The following RFT1 variants were observed in gnomAD, a reference collection of about 807,000 sequenced individuals.
RFT1 encodes the protein man(5)GlcNAc(2)-PP-dolichol translocation protein RFT1.
A neutral mutation model predicts 62.2 loss-of-function variants in RFT1; 43 were observed. That is an observed-to-expected ratio of 0.69 (90% CI 0.54 to 0.89). The LOEUF (loss-of-function observed/expected upper bound fraction) is 0.89, where lower values mean the gene tolerates loss of function less well. Ranked by LOEUF, RFT1 falls within the 40% of genes least tolerant of loss-of-function variation. RFT1 has a pLI of 0.00. For missense variants in RFT1, 605 were observed against 649.9 expected (o/e 0.93, Z 0.75); for synonymous variants, 262 against 264.6 (o/e 0.99, Z 0.10).
chr3:53,119,811 T>C, intron 6 of RFT1, 73 bp downstream of exon 6: 2 of 1,311,534 alleles, frequency 1.5e-6, no homozygotes, highest in Non-Finnish European at 2.1e-6. Flanking sequence ...AATAAACCAG[T>C]TGCAGTTTCT....
the RFT1 span, chr3:53,078,109 G>A: frequency 6.6e-6 from 1 of 152,360 alleles, no homozygotes; most frequent in Non-Finnish European, 1.5e-5. Flanking sequence ...TCACTCTCAG[G>A]GTTCATCAGC....
rs1700916251 is a variant in RFT1, at chr3:53,088,893, T to G, written c.*3010A>C. 1 of 151,316 alleles carries G rather than the reference T, an allele frequency of 6.6e-6. No homozygotes were observed. The highest frequency in any genetic ancestry group is 2.4e-5 in the African/African-American group (1 of 41,056). The allele number at this position is 151,316 out of a possible 1,614,324, so 9.4% of individuals were successfully genotyped here. ...GGCTCACGCCTGTAATCCCAGCACT[T>G]TGGGAGGCTGAGGCGGGCGGATCAC... On this transcript the variant is annotated 3_prime_UTR_variant, in exon 13 of 13. Transcript: ENST00000296292.
At chr3:53,116,308 T>G (rs1701791561) in intron 6 of RFT1, among the ~76,000 whole-genome samples, 1 of 151,084 alleles carries the variant, frequency 6.6e-6, no homozygotes, top group African/African-American at 2.4e-5. Context: ...TTTTTTTTTT[T>G]TTTGAGACAG....
At chr3:53,092,310 C>T (rs746824331) in intron 12 of RFT1, 59 bp downstream of exon 12, 301 of 1,567,838 alleles carry the variant, frequency 1.9e-4, no homozygotes, top group East Asian at 2.6e-4. Flanking sequence ...GGAGGCCTAG[C>T]GGGAGAGACA....
chr3:53,083,507 A>G (rs1325444420), downstream of RFT1, among the ~76,000 whole-genome samples: 1 of 150,604 alleles, frequency 6.6e-6, no homozygotes, highest in East Asian at 1.9e-4. Context: ...AAAAAAAAAA[A>G]AAAAAGTAAA....
chr3:53,075,877 G>T, the RFT1 span, among the ~76,000 whole-genome samples: 2 of 152,202 alleles, frequency 1.3e-5, no homozygotes, highest in South Asian at 4.2e-4. Flanking sequence ...GCAGGGTGCT[G>T]GTGGCCCTGG....
chr3:53,121,519 T>C (rs893111797), intron 5 of RFT1, among the ~76,000 whole-genome samples, 180 bp downstream of exon 5: 2 of 152,198 alleles, frequency 1.3e-5, no homozygotes, highest in African/African-American at 4.8e-5. Flanking sequence ...ACGGTCTCAG[T>C]GTATGGAACA....
Position 53,088,968 on chromosome 3 carries a change from C to T in RFT1, c.*2935G>A, listed in dbSNP as rs1700919395. 1 of 151,826 alleles carries T rather than the reference C, an allele frequency of 6.6e-6. No individual in the cohort carries two copies. Among genetic ancestry groups the T allele is most frequent in the East Asian group, 1.9e-4 (1 of 5,180 alleles). 9.4% of individuals were successfully genotyped at this position (151,826 alleles called of 1,614,324 possible). On this transcript the variant is annotated 3_prime_UTR_variant, in exon 13 of 13. Transcript: ENST00000296292. Reference sequence around the variant, plus strand: ...TGGCCAATATGGTGAAACCCTGTCTCTACTAAAAATACAAAAATTAGCCGG... The same window carrying T: ...TGGCCAATATGGTGAAACCCTGTCTTTACTAAAAATACAAAAATTAGCCGG...
downstream of RFT1, among the ~76,000 whole-genome samples, chr3:53,087,585 C>T (rs369347769): frequency 2.6e-5 from 4 of 152,060 alleles, no homozygotes; most frequent in East Asian, 3.9e-4. Context: ...GGTTGGAGCG[C>T]GAACATGCTC....
chr3:53,106,617 G>A (rs1009896609), intron 8 of RFT1, among the ~76,000 whole-genome samples: 7 of 152,158 alleles, frequency 4.6e-5, no homozygotes, highest in Admixed American at 1.3e-4. Context: ...AGGCAAAATA[G>A]AGGGCCGGGG....
intron 11 of RFT1, among the ~76,000 whole-genome samples, chr3:53,098,606 A>T (rs2564958): frequency 0.54 from 81,360 of 151,710 alleles, 24,736 homozygotes; most frequent in East Asian, 0.7. Context: ...ATCGAGACCA[A>T]CCTGGCTGAC....
downstream of RFT1, among the ~76,000 whole-genome samples, chr3:53,086,986 C>A (rs922443586): frequency 6.6e-6 from 1 of 152,124 alleles, no homozygotes; most frequent in East Asian, 1.9e-4. Flanking sequence ...GCCTGTAATC[C>A]CAGCACTTTG....
chr3:53,112,103 A>G (rs1701668956), intron 6 of RFT1, among the ~76,000 whole-genome samples, 195 bp from the exon 7 acceptor site: 1 of 152,218 alleles, frequency 6.6e-6, no homozygotes, highest in African/African-American at 2.4e-5. Flanking sequence ...CTAAACACAA[A>G]GCCAAAGTCT....
At chr3:53,119,058 T>G (rs906074206) in intron 6 of RFT1, among the ~76,000 whole-genome samples, 1 of 151,874 alleles carries the variant, frequency 6.6e-6, no homozygotes, top group East Asian at 1.9e-4. Flanking sequence ...AAAAAAAAAT[T>G]TTTTAATTAG....
Position 53,122,524 on chromosome 3 carries a change from C to G in RFT1, c.306G>C (p.Trp102Cys), listed in dbSNP as rs1701999192. 6.2e-7 allele frequency: 1 copy of G among 1,613,442 alleles called. No homozygotes were observed. The highest frequency in any genetic ancestry group is 8.5e-7 in the Non-Finnish European group (1 of 1,179,720). ...GCACTTCAAGCAGCTGCAACCAGATCCAGCCCAGGAATAAGGACCAAAACA... is the reference window on the plus strand; with the variant it reads ...GCACTTCAAGCAGCTGCAACCAGATGCAGCCCAGGAATAAGGACCAAAACA... ...LGVFWSLFLGWIWLQLLEVPD... is the reference protein window; with the variant it reads ...LGVFWSLFLGCIWLQLLEVPD... The change falls in exon 4 of 13, where the codon TGG (tryptophan) becomes TGC (cysteine). Residue 102 changes from tryptophan to cysteine, a missense_variant. Trp to Cys is a radical substitution (Grantham distance 215, BLOSUM62 -2). Transcript: ENST00000296292.
At chr3:53,103,075 G>A in intron 10 of RFT1, 2 of 982,378 alleles carry the variant, frequency 2.0e-6, no homozygotes, top group Non-Finnish European at 1.2e-6. Context: ...TTCACAGCAG[G>A]TGTTTCTCCA....
chr3:53,072,301 C>T, the RFT1 span, among the ~76,000 whole-genome samples: 1 of 152,264 alleles, frequency 6.6e-6, no homozygotes, highest in East Asian at 1.9e-4. Context: ...CCTGGTCCAC[C>T]CTTGCTGTAG....
chr3:53,105,968 C>T (rs1701459746), intron 8 of RFT1, among the ~76,000 whole-genome samples, 165 bp from the exon 9 acceptor site: 1 of 152,180 alleles, frequency 6.6e-6, no homozygotes, highest in African/African-American at 2.4e-5. Context: ...CACGGTGGCT[C>T]ATGCCTATAA....
chr3:53,103,894 G>A (rs1327869291), intron 10 of RFT1, 59 bp downstream of exon 10: 28 of 1,600,392 alleles, frequency 1.7e-5, no homozygotes, highest in Non-Finnish European at 2.1e-5. Flanking sequence ...CTTGAATTTC[G>A]TGACTCTTCT....
Sources: gnomAD v4.1 joint callset for allele counts (sites outside exome capture counted in the v4.1 genomes callset) on GRCh38, gnomAD v4.1.1 for gene constraint, MANE v1.5 for transcripts, NCBI Gene and HGNC (gene_info 2026-07-23, HGNC 2026-07-21) for gene names.